SLC25A22: variants seen among roughly 807,000 people sequenced by gnomAD.
SLC25A22 encodes the protein mitochondrial glutamate carrier 1.
SLC25A22 carries 23 observed loss-of-function variants against 33.7 expected under a neutral mutation model. The observed-to-expected ratio is 0.68, with a 90% CI of 0.49 to 0.97. The LOEUF (loss-of-function observed/expected upper bound fraction) is 0.97, where lower values mean the gene tolerates loss of function less well. SLC25A22 is among the 50% of genes least tolerant of loss of function. The pLI is 0.00. For synonymous variants in SLC25A22, 245 were observed against 203.8 expected, an observed-to-expected ratio of 1.20 and a Z score of -1.72; for missense variants, 390 against 451.1, an observed-to-expected ratio of 0.86 and a Z score of 1.23.
At chr11:794,323 C>T in intron 4 of SLC25A22, 135 bp downstream of exon 4, 1 of 1,023,910 alleles carries the variant, frequency 9.8e-7, no homozygotes, top group Non-Finnish European at 1.5e-6. Flanking sequence ...CAGGCACAGC[C>T]CCCACAAACA....
Position 792,861 on chromosome 11 carries a change from C to T in SLC25A22, c.412+9G>A, listed in dbSNP as rs369276282. On this transcript the variant is annotated intron_variant, in intron 6 of 9. Coordinates refer to ENST00000628067, the MANE Select transcript of SLC25A22 (RefSeq NM_001191061.2). ...CTCTGCCCTCTCCTCCCCCTCCCCCCGCCCTCACCAATGCGCCCTGCATCC... is the reference window on the plus strand; with the variant it reads ...CTCTGCCCTCTCCTCCCCCTCCCCCTGCCCTCACCAATGCGCCCTGCATCC... The T allele has an allele frequency of 6.6e-5, 98 of 1,494,266 alleles. No individual in the cohort carries two copies. The Middle Eastern group carries it at 1.2e-3, about 18-fold the overall frequency. 92.6% of individuals were successfully genotyped at this position (1,494,266 alleles called of 1,614,324 possible).
At chr11:793,691 C>T (rs1864653324) in intron 4 of SLC25A22, 72 bp from the exon 5 acceptor site, 2 of 1,085,788 alleles carry the variant, frequency 1.8e-6, no homozygotes, top group African/African-American at 1.5e-5. Flanking sequence ...CCAGGACTTG[C>T]CTCCTGGCTG....
chr11:794,808 G>A lies in SLC25A22; in HGVS notation c.114C>T (p.Asn38=), dbSNP rs1565039954. The change falls in exon 3 of 10, where the codon AAC becomes AAT. Residue 38 remains asparagine, a synonymous_variant. Coordinates refer to ENST00000628067, the MANE Select transcript of SLC25A22 (RefSeq NM_001191061.2). The stretch of plus-strand genomic sequence containing the variant: ...TGTACACGCGCTGGCCGTTCTGCTG[G>A]TTCTGCAGCCTGGTCTTGGCCAGGT... The part of the protein sequence containing the change: ...PIDLAKTRLQ[N]QQNGQRVYTS... The A allele has an allele frequency of 1.3e-6, 2 of 1,597,726 alleles. No individual in the cohort carries two copies. The highest frequency in any genetic ancestry group is 8.5e-7 in the Non-Finnish European group (1 of 1,173,430).
intron 4 of SLC25A22, chr11:793,969 TG>T: frequency 4.2e-6 from 2 of 473,042 alleles, no homozygotes; most frequent in Non-Finnish European, 7.8e-6. Flanking sequence ...GGCAGGGGGC[TG>T]GGGCCAGAGG....
intron 4 of SLC25A22, 168 bp downstream of exon 4, chr11:794,290 C>G: frequency 1.2e-6 from 1 of 824,828 alleles, no homozygotes; most frequent in Non-Finnish European, 2.0e-6. Context: ...CTACCACTCA[C>G]CAGAGATCCA....
At position 792,578 on chromosome 11, in the gene SLC25A22, T is replaced by C. The variant is rs767949941; in HGVS notation, c.562A>G (p.Lys188Glu). 44 of 1,611,802 alleles carry C rather than the reference T, an allele frequency of 2.7e-5. No individual in the cohort carries two copies. The highest frequency in any genetic ancestry group is 1.5e-4 in the Admixed American group (9 of 59,914). ...CTGAGCAGCGTGGCCCCGAGTCCCT[T>C]GTAGAGACCGGCAATGCCACGGCTC... ...LRSRGIAGLY[K>E]GLGATLLRDV... The change falls in exon 7 of 10, where the codon AAG becomes GAG. Residue 188 changes from lysine (K) to glutamate (E), a missense_variant. Coordinates refer to ENST00000628067, the MANE Select transcript of SLC25A22 (RefSeq NM_001191061.2).
rs1483888082 is a variant in SLC25A22, at chr11:791,248, A to T, written c.*667T>A. 6.1e-6 allele frequency: 1 copy of T among 163,386 alleles called. No homozygotes were observed. The highest frequency in any genetic ancestry group is 1.3e-5 in the Non-Finnish European group (1 of 75,400). The allele number at this position is 163,386 out of a possible 1,614,324, so 10.1% of individuals were successfully genotyped here. ...ACACACACATGCACACAGACCTCAC[A>T]ATCTGGGCCCCAGCCTGGGGTGGGA... is the stretch of plus-strand genomic sequence containing the variant. On this transcript the variant is annotated 3_prime_UTR_variant, in exon 10 of 10. Transcript: ENST00000628067.
intron 8 of SLC25A22, 36 bp downstream of exon 8, chr11:792,268 C>T (rs759334043): frequency 6.2e-7 from 1 of 1,613,062 alleles, no homozygotes; most frequent in East Asian, 2.2e-5. Flanking sequence ...CTCAGTCCCG[C>T]CCCATCCCCA....
Position 792,673 on chromosome 11 carries a change from G to T in SLC25A22, c.467C>A (p.Ala156Asp), listed in dbSNP as rs1353048193. 6.4e-7 allele frequency: 1 copy of T among 1,563,358 alleles called. No individual in the cohort carries two copies. Among genetic ancestry groups the T allele is most frequent in the Admixed American group, 1.9e-5 (1 of 52,992 alleles). Residue 156 changes from alanine (A) to aspartate (D), a missense_variant, in exon 7 of 10, where the codon GCC becomes GAC. Transcript: ENST00000628067. ...AQGQLSAQGG[A>D]QPSVEAPAAP... ...AGCTGGAGCCTCCACTGAGGGCTGG[G>T]CACCCCCCTGGGCCGAGAGCTGGCC...
chr11:796,246 AGGGGAAGCTGCCG>A (rs1864820603), intron 1 of SLC25A22: 1 of 113,932 alleles, frequency 8.8e-6, no homozygotes, highest in Non-Finnish European at 1.7e-5. Flanking sequence ...CTCACACAGA[AGGGGAAGCTGCCG>A]GGGGAGGAGG....
At chr11:793,920 A>G in intron 4 of SLC25A22, 2 of 510,710 alleles carry the variant, frequency 3.9e-6, no homozygotes, top group African/African-American at 1.9e-5. Context: ...CCTCCCTAGG[A>G]TACCTCTCCC....
intron 4 of SLC25A22, 35 bp from the exon 5 acceptor site, chr11:793,654 C>T (rs768455386): frequency 6.6e-6 from 10 of 1,510,304 alleles, no homozygotes; most frequent in South Asian, 5.6e-5. Flanking sequence ...GGGACATGCT[C>T]GGTGGCCTGA....
chr11:792,285 C>A lies in SLC25A22; in HGVS notation c.742+19G>T. 6.2e-7 allele frequency: 1 copy of A among 1,613,120 alleles called. No homozygotes were observed. The highest frequency in any genetic ancestry group is 8.5e-7 in the Non-Finnish European group (1 of 1,179,940). On this transcript the variant is annotated intron_variant, in intron 8 of 9. Coordinates refer to ENST00000628067, the MANE Select transcript of SLC25A22 (RefSeq NM_001191061.2). The stretch of plus-strand genomic sequence containing the variant: ...CAGTCCCGCCCCATCCCCAGCCGGG[C>A]GCCATCCCATGCACTGACCATCACA...
rs1864512826 is a variant in SLC25A22, at chr11:791,470, T to C, written c.*445A>G. ...AGCGGCTGGGGAAGGACGGAAGGGC[T>C]GGAGAGCCGCTTGGGTCCAGCAGAT... On this transcript the variant is annotated 3_prime_UTR_variant, in exon 10 of 10. Transcript: ENST00000628067. 4.7e-6 allele frequency: 1 copy of C among 213,932 alleles called. No homozygotes were observed. The highest frequency in any genetic ancestry group is 1.2e-4 in the East Asian group (1 of 8,028). The allele number at this position is 213,932 out of a possible 1,614,324, so 13.3% of individuals were successfully genotyped here. A position where few individuals can be genotyped will look rare whatever the true frequency, so the allele number is the denominator to read the frequency against.
chr11:793,491 CAA>C, intron 5 of SLC25A22, 36 bp downstream of exon 5: 1 of 1,600,630 alleles, frequency 6.2e-7, no homozygotes, highest in Non-Finnish European at 8.6e-7. Flanking sequence ...TATCTGAAGC[CAA>C]AGACCCCTCG....
chr11:797,144 G>C (rs552007950), intron 1 of SLC25A22, among the ~76,000 whole-genome samples: 1 of 152,324 alleles, frequency 6.6e-6, no homozygotes, highest in South Asian at 2.1e-4. Context: ...AAGTCAGGCC[G>C]ACCGAGGTGG....
intron 1 of SLC25A22, chr11:795,423 CG>C (rs2133718041): frequency 2.7e-6 from 1 of 369,290 alleles, no homozygotes; most frequent in East Asian, 7.0e-5. Context: ...CGCTCACGCT[CG>C]GGGCTCACGT....
chr11:797,961 G>A (rs926726865), intron 1 of SLC25A22: 2 of 398,316 alleles, frequency 5.0e-6, no homozygotes, highest in African/African-American at 2.1e-5. Context: ...CCTTGGGCTC[G>A]GGCCCCGGAC....
intron 1 of SLC25A22, among the ~76,000 whole-genome samples, chr11:797,022 AGTCCCTCCCAGGGGTGTACCCT>A (rs1864859106): frequency 6.6e-6 from 1 of 151,826 alleles, no homozygotes; most frequent in South Asian, 2.1e-4. Context: ...TCTCCACTCT[AGTCCCTCCCAGGGGTGTACCCT>A]GGCCCTCCAG....
Sources: gnomAD v4.1 joint callset for allele counts (sites outside exome capture counted in the v4.1 genomes callset) on GRCh38, gnomAD v4.1.1 for gene constraint, MANE v1.5 for transcripts, NCBI Gene and HGNC (gene_info 2026-07-23, HGNC 2026-07-21) for gene names.